Variants in USP34 observed in about 807,000 individuals in gnomAD.
USP34 encodes the protein ubiquitin specific peptidase 34.
A neutral mutation model predicts 460.3 loss-of-function variants in USP34; 70 were observed. That is an observed-to-expected ratio of 0.15 (90% CI 0.13 to 0.19). The LOEUF (loss-of-function observed/expected upper bound fraction) is 0.19, where lower values mean the gene tolerates loss of function less well. Ranked by LOEUF, USP34 falls within the 10% of genes least tolerant of loss-of-function variation. The pLI is 1.00. For missense variants in USP34, 3,985 were observed against 4,236.2 expected, an observed-to-expected ratio of 0.94 and a Z score of 1.65; for synonymous variants, 1,647 against 1,405.3, an observed-to-expected ratio of 1.17 and a Z score of -3.85.
intron 10 of USP34, among the ~76,000 whole-genome samples, chr2:61,351,839 T>A (rs1306552281): frequency 6.6e-6 from 1 of 152,172 alleles, no homozygotes; most frequent in Non-Finnish European, 1.5e-5. Flanking sequence ...TAAGTATCCA[T>A]TTAAAAAACA....
rs1299350215 is a variant in USP34, at chr2:61,220,366, A to G, written c.7991T>C (p.Met2664Thr). ...AAGAAACCGCTCGACCCAGTTTTCC[A>G]TATTCTGTAAGACCCAGCTGTGTGC... ...KLAHSWVLQN[M>T]ENWVERFLLA... The change falls in exon 67 of 80, where the codon ATG becomes ACG. Residue 2664 changes from methionine to threonine, a missense_variant. Met to Thr is a moderately conservative substitution (Grantham distance 81). Around this residue, in one of 14 missense-constraint regions of USP34, gnomAD observed 604 missense variants for 684.8 expected, o/e 0.88. Coordinates refer to ENST00000398571, the MANE Select transcript of USP34 (RefSeq NM_014709.4). 1.2e-6 allele frequency: 2 copies of G among 1,613,918 alleles called. No homozygotes were observed. Among genetic ancestry groups the G allele is most frequent in the Non-Finnish European group, 1.7e-6 (2 of 1,179,956 alleles).
intron 51 of USP34, among the ~76,000 whole-genome samples, chr2:61,244,528 T>A (rs1187317859): frequency 6.6e-6 from 1 of 150,394 alleles, no homozygotes; most frequent in African/African-American, 2.5e-5. Context: ...GACTCGAGAA[T>A]AGCTGGAACC....
At chr2:61,419,647 G>A (rs1573023100) in intron 2 of USP34, among the ~76,000 whole-genome samples, 1 of 152,248 alleles carries the variant, frequency 6.6e-6, no homozygotes, top group Non-Finnish European at 1.5e-5. Flanking sequence ...CAAACTTATA[G>A]ATCCTGAAAT....
Position 61,348,164 on chromosome 2 carries a change from C to G in USP34, c.1991G>C (p.Arg664Thr). 2 of 1,614,208 alleles carry G rather than the reference C, an allele frequency of 1.2e-6. No homozygotes were observed. Among genetic ancestry groups the G allele is most frequent in the Non-Finnish European group, 1.7e-6 (2 of 1,180,042 alleles). ...CLGDSQGMSE[R>T]NGTSSGTGKD... ...TCCTGTTCCGCTGCTTGTCCCATTT[C>G]TTTCTGACATGCCTTGGGAGTCCCC... The change falls in exon 15 of 80, where the codon AGA becomes ACA. Residue 664 changes from arginine (R) to threonine (T), a missense_variant. Physicochemically the swap from Arg to Thr is moderately conservative, Grantham distance 71. Transcript: ENST00000398571.
At chr2:61,262,273 T>C (rs999318760) in intron 43 of USP34, among the ~76,000 whole-genome samples, 1 of 151,712 alleles carries the variant, frequency 6.6e-6, no homozygotes, top group African/African-American at 2.4e-5. Context: ...GTTTGGTATA[T>C]AGATTGTTCT....
intron 34 of USP34, 106 bp downstream of exon 34, chr2:61,288,571 G>C (rs1288764142): frequency 1.7e-6 from 2 of 1,188,784 alleles, no homozygotes; most frequent in Admixed American, 3.8e-5. Flanking sequence ...TCAGCTGTCA[G>C]GTTAAGTCAC....
rs1687582574 is a variant in USP34 at position 61,221,445 on chromosome 2, T to TA, written c.7899+56dup. 14 of 1,471,442 alleles carry TA rather than the reference T, an allele frequency of 9.5e-6. No individual in the cohort carries two copies. The East Asian group carries it at 3.3e-4, about 35-fold the overall frequency. The allele number at this position is 1,471,442 out of a possible 1,614,324, so 91.1% of individuals were successfully genotyped here. A position where few individuals can be genotyped will look rare whatever the true frequency, so the allele number is the denominator to read the frequency against. Reference sequence around the variant, plus strand: ...GTACTTAAAATGGTAGTGACTATATTATAAAAATAAAATCCTCAGGAAAAT... The same window carrying TA: ...GTACTTAAAATGGTAGTGACTATATTAATAAAAATAAAATCCTCAGGAAAAT... On this transcript the variant is annotated intron_variant, in intron 66 of 79. Coordinates refer to ENST00000398571, the MANE Select transcript of USP34 (RefSeq NM_014709.4).
intron 15 of USP34, among the ~76,000 whole-genome samples, chr2:61,346,527 TAAAAAAAAAAAA>T (rs926076478): frequency 4.5e-5 from 2 of 44,270 alleles, no homozygotes; most frequent in South Asian, 9.2e-4. Flanking sequence ...CCCTATCTCT[TAAAAAAAAAAAA>T]AAAAAAAAAA....
chr2:61,327,797 A>G (rs1195229799), intron 20 of USP34, among the ~76,000 whole-genome samples: 1 of 152,176 alleles, frequency 6.6e-6, no homozygotes, highest in Admixed American at 6.5e-5. Flanking sequence ...TTGGGATGTC[A>G]GACAAAGATG....
chr2:61,357,113 A>G (rs1009939585), intron 10 of USP34, among the ~76,000 whole-genome samples: 4 of 152,236 alleles, frequency 2.6e-5, no homozygotes, highest in Admixed American at 6.5e-5. Context: ...AGGCATACAC[A>G]GAACACTCCA....
chr2:61,252,403 G>A (rs1688610809), intron 48 of USP34, among the ~76,000 whole-genome samples: 1 of 152,138 alleles, frequency 6.6e-6, no homozygotes, highest in Admixed American at 6.5e-5. Flanking sequence ...AGCAGCAGCA[G>A]CAGCAGCAGC....
At chr2:61,298,662 TCTTATCACTGGTC>T (rs1690118737) in intron 29 of USP34, among the ~76,000 whole-genome samples, 1 of 150,558 alleles carries the variant, frequency 6.6e-6, no homozygotes, top group Non-Finnish European at 1.5e-5. Context: ...GCCCAGGATC[TCTTATCACTGGTC>T]CTGGTTTTCT....
chr2:61,429,592 A>T (rs1694608548), intron 1 of USP34, among the ~76,000 whole-genome samples: 1 of 152,184 alleles, frequency 6.6e-6, no homozygotes, highest in African/African-American at 2.4e-5. Context: ...GCACCACATG[A>T]CAGGTAACAG....
At chr2:61,440,241 C>T (rs1694926550) in intron 1 of USP34, among the ~76,000 whole-genome samples, 1 of 152,150 alleles carries the variant, frequency 6.6e-6, no homozygotes, top group Non-Finnish European at 1.5e-5. Context: ...TCTGCCATCC[C>T]ACACCTCAAT....
chr2:61,384,578 T>G (rs1318836171), intron 5 of USP34, among the ~76,000 whole-genome samples: 1 of 151,796 alleles, frequency 6.6e-6, no homozygotes, highest in Non-Finnish European at 1.5e-5. Flanking sequence ...GAGGTTGAGG[T>G]GGGAGATTCG....
At position 61,341,608 on chromosome 2, in the gene USP34, G is replaced by C. The variant is rs1236823026; in HGVS notation, c.2501-1927C>G. 2.0e-5 allele frequency among the ~76,000 whole-genome samples: 3 copies of C among 151,800 alleles called. No homozygotes were observed. In the South Asian group the frequency reaches 6.3e-4, roughly 32 times the overall value. On this transcript the variant is annotated intron_variant, in intron 16 of 79. Coordinates refer to ENST00000398571, the MANE Select transcript of USP34 (RefSeq NM_014709.4). ...TTTCCACTTCTGCCATGAGACCCCT[G>C]CTCCCCCTTCACATTCTACCATGAT... is the stretch of plus-strand genomic sequence containing the variant.
chr2:61,418,361 T>C (rs1393591479), intron 2 of USP34, among the ~76,000 whole-genome samples: 1 of 152,244 alleles, frequency 6.6e-6, no homozygotes, highest in Admixed American at 6.5e-5. Context: ...ATTACATGCA[T>C]GAGCAACCAC....
At position 61,194,893 on chromosome 2, in the gene USP34, C is replaced by T. The variant is rs578015269; in HGVS notation, c.9509-1913G>A. ...GCTTGAACGCGGCAGGCGGAGGTTG[C>T]GGTGAGCCGAGATCGTGCCATTGCA... On this transcript the variant is annotated intron_variant, in intron 75 of 79. Transcript: ENST00000398571. Among the ~76,000 whole-genome samples the T allele has an allele frequency of 7.7e-4, 114 of 147,604 alleles. 3 individuals are homozygous for T. The highest frequency in any genetic ancestry group is 6.0e-4 in the East Asian group (3 of 5,024).
At chr2:61,432,144 G>C (rs1694694176) in intron 1 of USP34, among the ~76,000 whole-genome samples, 1 of 151,768 alleles carries the variant, frequency 6.6e-6, no homozygotes, top group Admixed American at 6.6e-5. Context: ...TTTGAGACCA[G>C]CCTGGGCAAC....
Sources: allele counts gnomAD v4.1 joint callset (sites outside exome capture counted in the v4.1 genomes callset), GRCh38; gene constraint gnomAD v4.1.1; regional missense constraint gnomAD v4.1.1; transcripts MANE v1.5; gene names NCBI Gene and HGNC (gene_info 2026-07-23, HGNC 2026-07-21).